Variants in NCEH1 observed in about 807,000 individuals in gnomAD.
The protein encoded by NCEH1 is neutral cholesterol ester hydrolase 1, also known as 2-acetyl MAGE hydrolase.
In NCEH1, 9 loss-of-function variants were observed where a neutral mutation model predicts 25.4. The observed-to-expected ratio is 0.35, with a 90% confidence interval of 0.21 to 0.62. NCEH1 has a LOEUF of 0.62. Ranked by LOEUF, NCEH1 falls within the 20% of genes least tolerant of loss-of-function variation. NCEH1 has a pLI of 0.72. For synonymous variants in NCEH1, 200 were observed against 199.8 expected, an observed-to-expected ratio of 1.00 and a Z score of -0.01; for missense variants, 412 against 501.1, an observed-to-expected ratio of 0.82 and a Z score of 1.70.
intron 4 of NCEH1, among the ~76,000 whole-genome samples, chr3:172,635,183 C>T (rs1472701596): frequency 1.3e-5 from 2 of 152,210 alleles, no homozygotes; most frequent in Non-Finnish European, 1.5e-5. Flanking sequence ...GGATGGAAAA[C>T]TTGCCAATGC....
intron 1 of NCEH1, among the ~76,000 whole-genome samples, chr3:172,668,356 T>TG (rs1718323081): frequency 7.7e-6 from 1 of 130,684 alleles, no homozygotes; most frequent in Admixed American, 7.6e-5. Context: ...GCATTTTTTT[T>TG]TTTTTTTTTT....
chr3:172,695,967 A>T (rs923561090), intron 1 of NCEH1, among the ~76,000 whole-genome samples: 4 of 151,926 alleles, frequency 2.6e-5, no homozygotes, highest in East Asian at 1.9e-4. Flanking sequence ...AATAAATAAA[A>T]AAGAAAAAGA....
At chr3:172,699,692 T>C (rs990230878) in intron 1 of NCEH1, among the ~76,000 whole-genome samples, 7 of 151,902 alleles carry the variant, frequency 4.6e-5, no homozygotes, top group Non-Finnish European at 7.4e-5. Context: ...TAGGGAGACC[T>C]CATCTCTACA....
At chr3:172,691,754 C>T (rs1713056079) in intron 1 of NCEH1, among the ~76,000 whole-genome samples, 1 of 152,282 alleles carries the variant, frequency 6.6e-6, no homozygotes, top group Non-Finnish European at 1.5e-5. Context: ...TCGAGACCAT[C>T]CTGGCTAACA....
At chr3:172,655,561 C>T (rs1394086687) in intron 1 of NCEH1, among the ~76,000 whole-genome samples, 1 of 152,194 alleles carries the variant, frequency 6.6e-6, no homozygotes, top group Non-Finnish European at 1.5e-5. Context: ...GGTCACAGGG[C>T]GGTGTTCACG....
In NCEH1 at chr3:172,630,466, T is replaced by C. The variant is rs1716297547; in HGVS notation, c.*3009A>G. On this transcript the variant is annotated 3_prime_UTR_variant, in exon 5 of 5. Coordinates refer to ENST00000475381, the MANE Select transcript of NCEH1 (RefSeq NM_020792.6). ...CCAAAGGAGGGCAACACATACTGTATCCAGACATGAAACAAATGTCATCAA... is the reference window on the plus strand; with the variant it reads ...CCAAAGGAGGGCAACACATACTGTACCCAGACATGAAACAAATGTCATCAA... 6.6e-6 allele frequency: 1 copy of C among 152,162 alleles called. No homozygotes were observed. The highest frequency in any genetic ancestry group is 1.5e-5 in the Non-Finnish European group (1 of 68,060). The allele number at this position is 152,162 out of a possible 1,614,324, so 9.4% of individuals were successfully genotyped here.
intron 1 of NCEH1, among the ~76,000 whole-genome samples, chr3:172,658,564 T>G (rs1040647363): frequency 6.6e-6 from 1 of 152,104 alleles, no homozygotes; most frequent in Non-Finnish European, 1.5e-5. Context: ...AATAGTAGGG[T>G]TCTCTCATTA....
rs898743927 is a variant in NCEH1, at chr3:172,633,366, C to G, written c.*109G>C. 33 of 1,044,838 alleles carry G rather than the reference C, an allele frequency of 3.2e-5. No individual in the cohort carries two copies. The highest frequency in any genetic ancestry group is 4.2e-6 in the Non-Finnish European group (3 of 708,812). The allele number at this position is 1,044,838 out of a possible 1,614,324, so 64.7% of individuals were successfully genotyped here. A position where few individuals can be genotyped will look rare whatever the true frequency, so the allele number is the denominator to read the frequency against. ...TATGGAATAGAAATTCCATAACTCG[C>G]AAGTAGAGGGGAATGGGAGGAAGAA... On this transcript the variant is annotated 3_prime_UTR_variant, in exon 5 of 5. Transcript: ENST00000475381.
intron 1 of NCEH1, among the ~76,000 whole-genome samples, chr3:172,682,495 C>T (rs1712438029): frequency 6.6e-6 from 1 of 152,150 alleles, no homozygotes; most frequent in African/African-American, 2.4e-5. Flanking sequence ...ACATTCCATT[C>T]ATAGGTATCT....
At chr3:172,692,721 G>C (rs907073691) in intron 1 of NCEH1, among the ~76,000 whole-genome samples, 4 of 152,096 alleles carry the variant, frequency 2.6e-5, no homozygotes, top group Non-Finnish European at 4.4e-5. Context: ...ACTTACTCTT[G>C]ATGTTGGTTG....
chr3:172,673,184 C>T (rs1435247759), intron 1 of NCEH1, among the ~76,000 whole-genome samples: 2 of 152,194 alleles, frequency 1.3e-5, no homozygotes, highest in African/African-American at 4.8e-5. Flanking sequence ...TTTTTCTCAA[C>T]CTTAGTTGTG....
intron 1 of NCEH1, among the ~76,000 whole-genome samples, chr3:172,655,224 G>A (rs1717632926): frequency 1.3e-5 from 2 of 152,208 alleles, no homozygotes; most frequent in Admixed American, 6.5e-5. Flanking sequence ...TTGGCTAGCT[G>A]AAGTAATCTA....
intron 1 of NCEH1, among the ~76,000 whole-genome samples, chr3:172,682,507 T>C (rs1417649110): frequency 6.6e-6 from 1 of 152,216 alleles, no homozygotes; most frequent in Admixed American, 6.5e-5. Context: ...TAGGTATCTA[T>C]TAAATGATTA....
chr3:172,683,664 C>T (rs1050708119), intron 1 of NCEH1, among the ~76,000 whole-genome samples: 18 of 152,088 alleles, frequency 1.2e-4, no homozygotes, highest in Non-Finnish European at 1.9e-4. Context: ...AGTGACAGGG[C>T]GAGACCCTGT....
chr3:172,668,206 A>C (rs1221645552), intron 1 of NCEH1, among the ~76,000 whole-genome samples: 1 of 152,186 alleles, frequency 6.6e-6, no homozygotes, highest in Non-Finnish European at 1.5e-5. Context: ...TATATCTCCT[A>C]TAATACACCA....
intron 1 of NCEH1, among the ~76,000 whole-genome samples, chr3:172,675,443 CA>C (rs200662590): frequency 0.2 from 25,980 of 133,024 alleles, 2,467 homozygotes; most frequent in Middle Eastern, 0.26. Context: ...AAAAATTTTA[CA>C]AAAAAAAAAA....
At chr3:172,694,382 G>A (rs199700429) in intron 1 of NCEH1, among the ~76,000 whole-genome samples, 227 of 125,078 alleles carry the variant, frequency 1.8e-3, no homozygotes, top group Non-Finnish European at 2.9e-3. Flanking sequence ...ATATATATGT[G>A]TGTGTGTGTG....
chr3:172,690,492 A>C (rs1418593169), intron 1 of NCEH1, among the ~76,000 whole-genome samples: 1 of 152,250 alleles, frequency 6.6e-6, no homozygotes, highest in Non-Finnish European at 1.5e-5. Flanking sequence ...AGCCATATAA[A>C]TTGGAAAATA....
At chr3:172,680,357 C>A (rs1033172370) in intron 1 of NCEH1, among the ~76,000 whole-genome samples, 9 of 152,108 alleles carry the variant, frequency 5.9e-5, no homozygotes, top group African/African-American at 2.2e-4. Flanking sequence ...CCCCTGAACT[C>A]CTCCTCAAAC....
Sources: gnomAD v4.1 joint callset for allele counts (sites outside exome capture counted in the v4.1 genomes callset) on GRCh38, gnomAD v4.1.1 for gene constraint, MANE v1.5 for transcripts, NCBI Gene and HGNC (gene_info 2026-07-23, HGNC 2026-07-21) for gene names.